The following B4GALT1 variants were observed in gnomAD, a reference collection of about 807,000 sequenced individuals.
B4GALT1 encodes the protein beta-1,4-galactosyltransferase 1.
A neutral mutation model predicts 34.9 loss-of-function variants in B4GALT1; 16 were observed. The observed-to-expected ratio is 0.46, with a 90% confidence interval of 0.31 to 0.70. The LOEUF (loss-of-function observed/expected upper bound fraction) is 0.70. Ranked by LOEUF, B4GALT1 falls within the 30% of genes least tolerant of loss-of-function variation. The pLI, the probability that B4GALT1 is intolerant of heterozygous loss-of-function variation, is 0.05. For synonymous variants in B4GALT1, 221 were observed against 218.1 expected, an observed-to-expected ratio of 1.01 and a Z score of -0.12; for missense variants, 445 against 530.5, an observed-to-expected ratio of 0.84 and a Z score of 1.58.
At chr9:33,159,349 C>A (rs367666980) in intron 1 of B4GALT1, among the ~76,000 whole-genome samples, 4 of 152,308 alleles carry the variant, frequency 2.6e-5, no homozygotes, top group East Asian at 3.9e-4. Flanking sequence ...CGTGGTGGGG[C>A]AGGAAGGAGC....
At chr9:33,174,317 A>AG in the B4GALT1 span, 10 of 152,526 alleles carry the variant, frequency 6.6e-5, no homozygotes, top group African/African-American at 2.4e-4. Context: ...AAGGAAAAAA[A>AG]CAATGCAACA....
rs62544387 is a variant in B4GALT1 at position 33,163,525 on chromosome 9, C to A, written c.412+3233G>T. 2.6e-5 allele frequency among the ~76,000 whole-genome samples: 4 copies of A among 152,268 alleles called. No homozygotes were observed. The East Asian group carries it at 7.7e-4, about 29-fold the overall frequency. On this transcript the variant is annotated intron_variant, in intron 1 of 5. Transcript: ENST00000379731. Reference sequence around the variant, plus strand: ...CCATCCCAGGCCCCAGCTGAGCCCCCAGGCCAGCCTGCCTCTCTCACCAGT... The same window carrying A: ...CCATCCCAGGCCCCAGCTGAGCCCCAAGGCCAGCCTGCCTCTCTCACCAGT...
intron 1 of B4GALT1, among the ~76,000 whole-genome samples, chr9:33,144,573 T>A (rs1840398943): frequency 1.3e-5 from 2 of 152,184 alleles, no homozygotes; most frequent in African/African-American, 4.8e-5. Context: ...TTTATATTGG[T>A]CCTTTTTATG....
chr9:33,141,793 C>T (rs10813955), intron 1 of B4GALT1, among the ~76,000 whole-genome samples: 54,977 of 151,884 alleles, frequency 0.36, 10,489 homozygotes, highest in East Asian at 0.6. Flanking sequence ...GTGGGTGGCG[C>T]GCAGCTATCC....
intron 1 of B4GALT1, among the ~76,000 whole-genome samples, chr9:33,138,531 G>A (rs1471833717): frequency 6.6e-6 from 1 of 152,124 alleles, no homozygotes. Context: ...GCATAGGAGA[G>A]GTGGAAAGAA....
the B4GALT1 span, among the ~76,000 whole-genome samples, chr9:33,181,918 A>G: frequency 1.3e-5 from 2 of 151,296 alleles, no homozygotes; most frequent in African/African-American, 2.4e-5. Context: ...CCAAAATATC[A>G]AGGTGTCAGC....
At chr9:33,152,333 A>T (rs1840529832) in intron 1 of B4GALT1, among the ~76,000 whole-genome samples, 1 of 116,802 alleles carries the variant, frequency 8.6e-6, no homozygotes. Context: ...ACATAACATA[A>T]CATAACATAA....
At chr9:33,167,895 C>G (rs1185643305), upstream of B4GALT1, among the ~76,000 whole-genome samples, 1 of 152,320 alleles carries the variant, frequency 6.6e-6, no homozygotes, top group South Asian at 2.1e-4. Context: ...CCGGCTGGAC[C>G]CCGCTGCTTA....
the B4GALT1 span, among the ~76,000 whole-genome samples, chr9:33,180,365 G>A: frequency 2.0e-5 from 3 of 152,112 alleles, no homozygotes; most frequent in South Asian, 2.1e-4. Context: ...CATCATCTCC[G>A]CAATTTCCAA....
At chr9:33,160,099 C>T (rs1840653201) in intron 1 of B4GALT1, among the ~76,000 whole-genome samples, 1 of 152,234 alleles carries the variant, frequency 6.6e-6, no homozygotes, top group Non-Finnish European at 1.5e-5. Context: ...CTAAGCAAAT[C>T]TGGAATTTCC....
At chr9:33,139,520 C>G (rs1840318066) in intron 1 of B4GALT1, among the ~76,000 whole-genome samples, 1 of 152,170 alleles carries the variant, frequency 6.6e-6, no homozygotes, top group Admixed American at 6.5e-5. Context: ...AGACAACAGA[C>G]AGCAGCCCCA....
intron 2 of B4GALT1, among the ~76,000 whole-genome samples, chr9:33,128,781 A>G (rs1008842359): frequency 6.6e-6 from 1 of 152,142 alleles, no homozygotes; most frequent in African/African-American, 2.4e-5. Flanking sequence ...CAATGAGGCC[A>G]TAAGCCCAGG....
intron 1 of B4GALT1, among the ~76,000 whole-genome samples, chr9:33,155,219 A>G (rs1234046427): frequency 6.6e-6 from 1 of 152,132 alleles, no homozygotes; most frequent in East Asian, 1.9e-4. Context: ...TTTCTCTCGG[A>G]TTATTCAGTA....
intron 2 of B4GALT1, among the ~76,000 whole-genome samples, chr9:33,130,899 G>A (rs1220671541): frequency 1.3e-5 from 2 of 152,102 alleles, no homozygotes; most frequent in African/African-American, 4.8e-5. Context: ...AGAGGAAGCA[G>A]GCAGAGGAAA....
chr9:33,107,062 G>T (rs927484688), downstream of B4GALT1, among the ~76,000 whole-genome samples: 1 of 152,162 alleles, frequency 6.6e-6, no homozygotes, highest in Admixed American at 6.5e-5. Context: ...GGGGTGTCAT[G>T]TTCCTCTGGT....
chr9:33,182,713 T>A, the B4GALT1 span, among the ~76,000 whole-genome samples: 1 of 152,254 alleles, frequency 6.6e-6, no homozygotes, highest in Non-Finnish European at 1.5e-5. Flanking sequence ...TGACAAGGAT[T>A]GAGCAATTTC....
At chr9:33,109,677 T>C (rs1210611238), downstream of B4GALT1, among the ~76,000 whole-genome samples, 1 of 152,186 alleles carries the variant, frequency 6.6e-6, no homozygotes, top group Non-Finnish European at 1.5e-5. Flanking sequence ...AACCAACTAC[T>C]TGTGACTGGC....
At chr9:33,173,970 T>C in the B4GALT1 span, among the ~76,000 whole-genome samples, 1 of 152,192 alleles carries the variant, frequency 6.6e-6, no homozygotes, top group African/African-American at 2.4e-5. Flanking sequence ...TCCATAATGA[T>C]ATAAATAAAT....
At chr9:33,138,078 C>T (rs1389161850) in intron 1 of B4GALT1, among the ~76,000 whole-genome samples, 5 of 152,244 alleles carry the variant, frequency 3.3e-5, no homozygotes, top group East Asian at 3.8e-4. Context: ...CCGACTTGCT[C>T]GTACCTTCTG....
Sources: allele counts gnomAD v4.1 joint callset (sites outside exome capture counted in the v4.1 genomes callset), GRCh38; gene constraint gnomAD v4.1.1; transcripts MANE v1.5; gene names NCBI Gene and HGNC (gene_info 2026-07-23, HGNC 2026-07-21).